LAMA1: variants seen among roughly 807,000 people sequenced by gnomAD.
LAMA1 encodes the protein laminin subunit alpha-1.
LAMA1 carries 219 observed loss-of-function variants against 348.7 expected under a neutral mutation model. The observed-to-expected ratio is 0.63, with a 90% CI of 0.56 to 0.70. The LOEUF is 0.70. LAMA1 is among the 30% of genes least tolerant of loss of function. LAMA1 has a pLI of 0.00. For synonymous variants in LAMA1, 1,487 were observed against 1,491.0 expected (o/e 1.00, Z 0.06); for missense variants, 3,744 against 3,888.0 (o/e 0.96, Z 0.99).
intron 3 of LAMA1, among the ~76,000 whole-genome samples, chr18:7,064,221 CAA>C (rs898604962): frequency 6.6e-6 from 1 of 150,600 alleles, no homozygotes; most frequent in Non-Finnish European, 1.5e-5. Flanking sequence ...ATTTTTAATA[CAA>C]AAAAAGGTTA....
At position 7,040,385 on chromosome 18, in the gene LAMA1, T is replaced by G. The variant is rs2058015290; in HGVS notation, c.1262-149A>C. On this transcript the variant is annotated intron_variant, in intron 9 of 62. Transcript: ENST00000389658. ...CATTTGCAGCTGCTCAGCTCAGCCA[T>G]TATTGTTCGAACACAGCCATAGAGA... 3.9e-6 allele frequency: 3 copies of G among 770,840 alleles called. No individual in the cohort carries two copies. In the African/African-American group the frequency reaches 5.1e-5, roughly 13 times the overall value. The allele number at this position is 770,840 out of a possible 1,614,324, so 47.8% of individuals were successfully genotyped here.
In LAMA1 at chr18:7,015,949, C is replaced by A; in HGVS notation, c.2990-91G>T. The A allele has an allele frequency of 2.0e-6, 3 of 1,472,028 alleles. No individual in the cohort carries two copies. In the South Asian group the frequency reaches 3.4e-5, roughly 17 times the overall value. The allele number at this position is 1,472,028 out of a possible 1,614,324, so 91.2% of individuals were successfully genotyped here. A position where few individuals can be genotyped will look rare whatever the true frequency, so the allele number is the denominator to read the frequency against. On this transcript the variant is annotated intron_variant, in intron 21 of 62. Coordinates refer to ENST00000389658, the MANE Select transcript of LAMA1 (RefSeq NM_005559.4). ...CTGTTATTTCCCTTTTATTAAGAGT[C>A]CAAGCCACTCTTCTCACTCCTAAAA... is the stretch of plus-strand genomic sequence containing the variant.
rs619106 is a variant in LAMA1, at chr18:7,011,414, G to A, written c.3573C>T (p.Thr1191=). ...CGGGGGCCTGGTAGTAAACCCCCTC[G>A]GTCGTGCCCCTCAAGTTACTCTGAG... ...VVSQSNLRGT[T]EGVYYQAPDF... Residue 1191 remains threonine, a synonymous_variant, in exon 25 of 63, where the codon ACC becomes ACT. Transcript: ENST00000389658. 482,070 of 1,607,408 alleles carry A rather than the reference G, an allele frequency of 0.3. 78,449 individuals carry two copies. The highest frequency in any genetic ancestry group is 0.64 in the African/African-American group (48,189 of 74,808).
At chr18:6,991,314 A>G (rs2144071153) in intron 36 of LAMA1, among the ~76,000 whole-genome samples, 1 of 152,230 alleles carries the variant, frequency 6.6e-6, no homozygotes, top group East Asian at 1.9e-4. Context: ...AAATATAAAA[A>G]AAAAATTATT....
chr18:7,099,019 A>G (rs567130304), intron 1 of LAMA1, among the ~76,000 whole-genome samples: 293 of 152,260 alleles, frequency 1.9e-3, no homozygotes, highest in African/African-American at 6.4e-3. Flanking sequence ...GTTTTGTGGA[A>G]TAGAAAGGGG....
chr18:7,098,717 T>TG (rs1211451724), intron 1 of LAMA1, among the ~76,000 whole-genome samples: 86 of 138,214 alleles, frequency 6.2e-4, no homozygotes, highest in African/African-American at 2.2e-3. Flanking sequence ...GGGAGGGAGG[T>TG]GGGGGGGTCA....
intron 3 of LAMA1, among the ~76,000 whole-genome samples, chr18:7,066,930 A>C (rs1458399184): frequency 6.6e-6 from 1 of 152,252 alleles, no homozygotes; most frequent in Non-Finnish European, 1.5e-5. Context: ...AAAATATTCA[A>C]ATGTTTGTTG....
rs755828130 is a variant in LAMA1 at position 7,011,998 on chromosome 18, G to A, written c.3504C>T (p.Thr1168=). ...LCSELEDYVR[T]PVTLGSDQPL... ...ACTTTCGCTGTGTGTGACTTACTGG[G>A]GTCCTCACGTAGTCCTCCAGCTCTG... Residue 1168 remains threonine (T), a synonymous_variant, in exon 24 of 63, where the codon ACC becomes ACT. Coordinates refer to ENST00000389658, the MANE Select transcript of LAMA1 (RefSeq NM_005559.4). 8.7e-6 allele frequency: 14 copies of A among 1,604,290 alleles called. No homozygotes were observed. Among genetic ancestry groups the A allele is most frequent in the Middle Eastern group, 3.3e-4 (2 of 5,980 alleles).
chr18:6,956,875 A>G, intron 55 of LAMA1, 110 bp from the exon 56 acceptor site: 1 of 1,264,454 alleles, frequency 7.9e-7, no homozygotes, highest in Non-Finnish European at 1.1e-6. Context: ...CCATGTATAT[A>G]TTTCTCTTAG....
chr18:7,036,463 T>A (rs2057995182), intron 12 of LAMA1, among the ~76,000 whole-genome samples: 1 of 152,240 alleles, frequency 6.6e-6, no homozygotes, highest in Admixed American at 6.5e-5. Context: ...CATTTCAGCA[T>A]CCTCCTCATA....
At chr18:7,044,485 A>C (rs1429402792) in intron 7 of LAMA1, among the ~76,000 whole-genome samples, 1 of 152,168 alleles carries the variant, frequency 6.6e-6, no homozygotes, top group Non-Finnish European at 1.5e-5. Context: ...CAAAAGTAAA[A>C]TTAATACAGA....
intron 46 of LAMA1, among the ~76,000 whole-genome samples, chr18:6,974,234 T>A (rs923571404): frequency 7.7e-5 from 11 of 142,034 alleles, no homozygotes; most frequent in South Asian, 2.1e-4. Flanking sequence ...TTTAAAAAAA[T>A]TTTTTGAATT....
chr18:6,982,165 G>A (rs998330654), intron 41 of LAMA1, among the ~76,000 whole-genome samples: 2 of 152,040 alleles, frequency 1.3e-5, no homozygotes, highest in East Asian at 1.9e-4. Flanking sequence ...AGGAGCACAC[G>A]CAATCAAAGA....
Position 7,037,602 on chromosome 18 carries a change from GGC to G in LAMA1, c.1711_1712del (p.Ala571ProfsTer8), listed in dbSNP as rs2058001127. 1.2e-6 allele frequency: 2 copies of G among 1,614,002 alleles called. No homozygotes were observed. Among genetic ancestry groups the G allele is most frequent in the East Asian group, 4.5e-5 (2 of 44,862 alleles). On this transcript the variant is annotated frameshift_variant, in exon 12 of 63. Transcript: ENST00000389658. LOFTEE classifies it high-confidence loss of function. Reference protein sequence around the residue: ...QRLAPKYYWAAPEAYLGNKLT... With the variant: ...QRLAPKYYWAXPEAYLGNKLT... ...CCTTATTTCCAAGGTAGGCCTCGGG[GGC>G]TGCCCAGTAGTACTTGGGAGCCAGT... is the stretch of plus-strand genomic sequence containing the variant.
intron 42 of LAMA1, among the ~76,000 whole-genome samples, chr18:6,978,771 T>C (rs541770): frequency 0.28 from 42,942 of 152,140 alleles, 8,043 homozygotes; most frequent in African/African-American, 0.54. Context: ...CCATCACTCC[T>C]TTCTCAGCTT....
intron 57 of LAMA1, chr18:6,954,480 G>C (rs1381227109): frequency 6.5e-5 from 10 of 152,748 alleles, no homozygotes; most frequent in Admixed American, 5.9e-4. Flanking sequence ...CTGCAGGAGT[G>C]GGGAGGCACA....
intron 16 of LAMA1, among the ~76,000 whole-genome samples, chr18:7,027,264 C>T (rs1199638833): frequency 6.6e-6 from 1 of 152,096 alleles, no homozygotes; most frequent in Non-Finnish European, 1.5e-5. Flanking sequence ...AGAGACAAGC[C>T]TTATTCTTGC....
Position 6,966,237 on chromosome 18 carries a change from C to A in LAMA1, c.6960G>T (p.Lys2320Asn). 2 of 1,613,964 alleles carry A rather than the reference C, an allele frequency of 1.2e-6. No individual in the cohort carries two copies. The highest frequency in any genetic ancestry group is 1.7e-6 in the Non-Finnish European group (2 of 1,179,962). ...TCTGGGTCACGGTAGCCGGAAGTGA[C>A]TTCTCCACGACAGAGTACCCACTCC... Reference protein sequence around the residue: ...FDGSGYSVVEKSLPATVTQII... With the variant: ...FDGSGYSVVENSLPATVTQII... Residue 2320 changes from lysine (K) to asparagine (N), a missense_variant, in exon 49 of 63, where the codon AAG (lysine) becomes AAT (asparagine). By Grantham distance (94) the Lys-to-Asn change is moderately conservative. Transcript: ENST00000389658.
intron 5 of LAMA1, among the ~76,000 whole-genome samples, chr18:7,047,058 T>G (rs1345767649): frequency 6.6e-6 from 1 of 151,584 alleles, no homozygotes; most frequent in Admixed American, 6.6e-5. Flanking sequence ...TTTTTTTTTT[T>G]TTTTGAGACA....
Sources: gnomAD v4.1 joint callset for allele counts (sites outside exome capture counted in the v4.1 genomes callset) on GRCh38, gnomAD v4.1.1 for gene constraint, MANE v1.5 for transcripts, NCBI Gene and HGNC (gene_info 2026-07-23, HGNC 2026-07-21) for gene names.